The following C1orf87 variants were observed in gnomAD, a reference collection of about 807,000 sequenced individuals.
The protein encoded by C1orf87 is uncharacterized protein C1orf87.
In C1orf87, 58 loss-of-function variants were observed where a neutral mutation model predicts 60.5. That is an observed-to-expected ratio of 0.96 (90% confidence interval 0.78 to 1.19). The LOEUF (loss-of-function observed/expected upper bound fraction) is 1.19, where lower values mean the gene tolerates loss of function less well. C1orf87 is among the 50% of genes most tolerant of loss of function. The pLI is 0.00. For missense variants in C1orf87, 673 were observed against 638.6 expected (o/e 1.05, Z -0.58); for synonymous variants, 236 against 227.4 (o/e 1.04, Z -0.34).
chr1:60,038,085 C>T lies in C1orf87; in HGVS notation c.770G>A (p.Trp257Ter), dbSNP rs1474754580. Residue 257 changes from tryptophan to a stop codon, truncating the protein, a stop_gained, in exon 6 of 12, where the codon TGG (tryptophan) becomes TAG (stop). Coordinates refer to ENST00000371201, the MANE Select transcript of C1orf87 (RefSeq NM_152377.3). LOFTEE classifies it high-confidence loss of function. ...PEMVNYEKLL[W>*]FLNSAASDYP... ...ATCTGATGCTGCACTGTTTAAAAAC[C>T]AGAGTAGCTTTTCATAATTCACCTG... 4 of 1,564,668 alleles carry T rather than the reference C, an allele frequency of 2.6e-6. No individual in the cohort carries two copies. The African/African-American group carries it at 5.4e-5, about 21-fold the overall frequency.
At chr1:60,007,227 A>C (rs1242317511) in intron 9 of C1orf87, among the ~76,000 whole-genome samples, 3 of 152,030 alleles carry the variant, frequency 2.0e-5, no homozygotes, top group Non-Finnish European at 4.4e-5. Context: ...CATACTTTTA[A>C]ATGTGTTACA....
chr1:60,069,016 G>T (rs1008994756), intron 2 of C1orf87, among the ~76,000 whole-genome samples: 12 of 151,934 alleles, frequency 7.9e-5, no homozygotes. Flanking sequence ...TATTTAATAG[G>T]CTTTTACCAT....
chr1:60,062,785 T>G (rs1369701482), intron 2 of C1orf87, among the ~76,000 whole-genome samples: 1 of 152,186 alleles, frequency 6.6e-6, no homozygotes, highest in African/African-American at 2.4e-5. Context: ...TTGTATTATA[T>G]TTTTTAAACT....
intron 9 of C1orf87, chr1:60,008,595 C>G (rs1032415635): frequency 5.0e-5 from 20 of 398,250 alleles, no homozygotes; most frequent in African/African-American, 4.2e-4. Context: ...ATAGAGACAC[C>G]AGGGATGCAC....
intron 9 of C1orf87, among the ~76,000 whole-genome samples, chr1:60,007,566 A>G (rs1645055210): frequency 6.6e-6 from 1 of 151,982 alleles, no homozygotes; most frequent in Non-Finnish European, 1.5e-5. Flanking sequence ...TTTGTATGAT[A>G]CCTCCTTTCA....
chr1:60,055,138 C>G, intron 3 of C1orf87, 66 bp downstream of exon 3: 2 of 1,347,784 alleles, frequency 1.5e-6, no homozygotes, highest in Non-Finnish European at 2.1e-6. Context: ...TTGTGTGAAC[C>G]TATGTTTTTA....
chr1:60,043,024 G>A (rs964161410), intron 3 of C1orf87, among the ~76,000 whole-genome samples: 4 of 152,202 alleles, frequency 2.6e-5, no homozygotes, highest in South Asian at 4.1e-4. Context: ...CAAGTGGAGA[G>A]GGAGGAGGAG....
At chr1:60,050,747 C>T (rs918021533) in intron 3 of C1orf87, among the ~76,000 whole-genome samples, 17 of 151,748 alleles carry the variant, frequency 1.1e-4, no homozygotes, top group Admixed American at 9.9e-4. Context: ...TAGTGTTTTC[C>T]CATTAAATTA....
intron 7 of C1orf87, among the ~76,000 whole-genome samples, chr1:60,029,412 CA>C (rs2100281475): frequency 6.6e-6 from 1 of 152,158 alleles, no homozygotes; most frequent in South Asian, 2.1e-4. Context: ...TGAATCTGAT[CA>C]TATCATTCAC....
At chr1:60,020,617 C>T (rs918780037) in intron 8 of C1orf87, among the ~76,000 whole-genome samples, 6 of 152,126 alleles carry the variant, frequency 3.9e-5, no homozygotes, top group African/African-American at 1.4e-4. Flanking sequence ...CACATTTCTT[C>T]CTTTTGGAAT....
chr1:60,033,714 A>G, intron 6 of C1orf87, 73 bp from the exon 7 acceptor site: 1 of 1,506,986 alleles, frequency 6.6e-7, no homozygotes, highest in Non-Finnish European at 9.0e-7. Context: ...TTCCTACTAC[A>G]TTTCTCAACT....
chr1:60,070,782 A>T (rs1228519041), intron 2 of C1orf87, among the ~76,000 whole-genome samples: 3 of 152,182 alleles, frequency 2.0e-5, no homozygotes, highest in Non-Finnish European at 2.9e-5. Context: ...TTGGTTCCTG[A>T]AGGTTAGAAA....
intron 3 of C1orf87, among the ~76,000 whole-genome samples, chr1:60,046,375 T>G (rs1188365787): frequency 7.1e-6 from 1 of 140,674 alleles, no homozygotes; most frequent in African/African-American, 2.6e-5. Context: ...TCTTTCTCTT[T>G]TTCTTTCTTT....
chr1:60,044,993 T>C (rs1645355789), intron 3 of C1orf87, among the ~76,000 whole-genome samples: 1 of 152,222 alleles, frequency 6.6e-6, no homozygotes, highest in Non-Finnish European at 1.5e-5. Flanking sequence ...TTGCAAGAGT[T>C]GGAAATGTAA....
intron 7 of C1orf87, among the ~76,000 whole-genome samples, chr1:60,027,409 C>T (rs1016267107): frequency 6.6e-6 from 1 of 152,182 alleles, no homozygotes; most frequent in African/African-American, 2.4e-5. Flanking sequence ...CCACATTCCC[C>T]TCACTCTCTC....
intron 3 of C1orf87, among the ~76,000 whole-genome samples, chr1:60,052,184 A>G (rs1645419447): frequency 1.3e-5 from 2 of 152,254 alleles, no homozygotes. Context: ...TAAAGCACTA[A>G]CACTTTCATT....
chr1:60,051,105 G>A (rs1171039669), intron 3 of C1orf87, among the ~76,000 whole-genome samples: 1 of 152,136 alleles, frequency 6.6e-6, no homozygotes, highest in East Asian at 1.9e-4. Context: ...AGGTGAAAGG[G>A]AACAGAACTC....
rs144060427 is a variant in C1orf87 at position 60,022,558 on chromosome 1, A to T, written c.1127+2843T>A. On this transcript the variant is annotated intron_variant, in intron 8 of 11. Transcript: ENST00000371201. ...TGCCTGAAACTACAGCTAGTACTGA[A>T]CCCTATATATCCTATGCACAAATTT... 3.5e-3 allele frequency among the ~76,000 whole-genome samples: 540 copies of T among 152,166 alleles called. 3 individuals carry two copies. Among genetic ancestry groups the T allele is most frequent in the African/African-American group, 0.012 (513 of 41,524 alleles).
intron 11 of C1orf87, among the ~76,000 whole-genome samples, chr1:59,996,570 A>G (rs1644964926): frequency 6.6e-6 from 1 of 152,102 alleles, no homozygotes; most frequent in Admixed American, 6.6e-5. Flanking sequence ...TTTATCATTT[A>G]ATATTCTTTT....
Sources: allele counts gnomAD v4.1 joint callset (sites outside exome capture counted in the v4.1 genomes callset), GRCh38; gene constraint gnomAD v4.1.1; transcripts MANE v1.5; gene names NCBI Gene and HGNC (gene_info 2026-07-23, HGNC 2026-07-21).